Variants in MMP16 observed in about 807,000 individuals in gnomAD.
MMP16 encodes matrix metalloproteinase-16.
In MMP16, 12 loss-of-function variants were observed where a neutral mutation model predicts 67.8. The ratio of observed to expected loss-of-function variants is 0.18; its 90% CI spans 0.11 to 0.29. The LOEUF (loss-of-function observed/expected upper bound fraction) is 0.29. Ranked by LOEUF, MMP16 falls within the 10% of genes least tolerant of loss-of-function variation. The pLI, the probability that MMP16 is intolerant of heterozygous loss-of-function variation, is 1.00. For missense variants in MMP16, 475 were observed against 765.7 expected (o/e 0.62, Z 4.48); for synonymous variants, 249 against 255.9 (o/e 0.97, Z 0.26).
chr8:88,271,186 T>C (rs943083638), intron 1 of MMP16, among the ~76,000 whole-genome samples: 2 of 152,198 alleles, frequency 1.3e-5, no homozygotes, highest in African/African-American at 2.4e-5. Flanking sequence ...AGTGATTGTT[T>C]ATAGATTAAA....
chr8:88,075,976 A>ACACACACAC (rs1400489880), intron 6 of MMP16, among the ~76,000 whole-genome samples: 2 of 46,062 alleles, frequency 4.3e-5, no homozygotes, highest in Non-Finnish European at 4.6e-5. Flanking sequence ...CACACACACA[A>ACACACACAC]AATCTACTGA....
chr8:88,092,325 A>G (rs149520680), intron 6 of MMP16, among the ~76,000 whole-genome samples: 1 of 151,858 alleles, frequency 6.6e-6, no homozygotes, highest in African/African-American at 2.4e-5. Flanking sequence ...TTATCTTTGC[A>G]TTGCTCGTTC....
intron 6 of MMP16, among the ~76,000 whole-genome samples, chr8:88,074,965 G>C (rs1808622806): frequency 6.6e-6 from 1 of 152,100 alleles, no homozygotes; most frequent in Non-Finnish European, 1.5e-5. Flanking sequence ...AAAACATAAT[G>C]TCAACATACT....
chr8:88,218,676 T>C (rs1809632268), intron 1 of MMP16, among the ~76,000 whole-genome samples: 1 of 151,992 alleles, frequency 6.6e-6, no homozygotes, highest in South Asian at 2.1e-4. Context: ...AATTTGAAAA[T>C]ATTCACTAAA....
At chr8:88,168,132 C>T (rs938416353) in intron 3 of MMP16, among the ~76,000 whole-genome samples, 159 bp from the exon 4 acceptor site, 2 of 152,146 alleles carry the variant, frequency 1.3e-5, no homozygotes, top group African/African-American at 4.8e-5. Flanking sequence ...GATTTCACTA[C>T]ACTGCAATCA....
intron 1 of MMP16, among the ~76,000 whole-genome samples, chr8:88,273,892 TAACAG>T (rs1231029812): frequency 6.6e-6 from 1 of 152,060 alleles, no homozygotes; most frequent in African/African-American, 2.4e-5. Context: ...CCTGATAACA[TAACAG>T]GAGGGGACAC....
At chr8:88,160,811 C>T (rs144620586) in intron 4 of MMP16, among the ~76,000 whole-genome samples, 40 of 152,130 alleles carry the variant, frequency 2.6e-4, no homozygotes, top group African/African-American at 7.5e-4. Flanking sequence ...ATAAATCATG[C>T]TGCTATAAAG....
chr8:88,081,039 C>A lies in MMP16; in HGVS notation c.1084-6296G>T, dbSNP rs183039426. On this transcript the variant is annotated intron_variant, in intron 6 of 9. Coordinates refer to ENST00000286614, the MANE Select transcript of MMP16 (RefSeq NM_005941.5). ...TGGATGCTCTCCACTGTGGGGTAAACCTTGGTAGCGAGGCTCATCAGGCAG... is the reference window on the plus strand; with the variant it reads ...TGGATGCTCTCCACTGTGGGGTAAAACTTGGTAGCGAGGCTCATCAGGCAG... 1.6e-4 allele frequency among the ~76,000 whole-genome samples: 25 copies of A among 152,128 alleles called. 1 individual carries two copies. Among genetic ancestry groups the A allele is most frequent in the Admixed American group, 1.4e-3 (22 of 15,270 alleles).
At chr8:88,200,255 T>G (rs189220080) in intron 1 of MMP16, among the ~76,000 whole-genome samples, 2 of 152,138 alleles carry the variant, frequency 1.3e-5, no homozygotes, top group East Asian at 3.9e-4. Flanking sequence ...GTGATACATT[T>G]GACAAACTGA....
chr8:88,163,673 T>C (rs1246448241), intron 4 of MMP16, among the ~76,000 whole-genome samples: 5 of 152,128 alleles, frequency 3.3e-5, no homozygotes, highest in African/African-American at 4.8e-5. Flanking sequence ...GTGTTTACAT[T>C]GATAGCACCA....
intron 8 of MMP16, among the ~76,000 whole-genome samples, chr8:88,048,170 C>T (rs973717912): frequency 6.6e-6 from 1 of 152,068 alleles, no homozygotes; most frequent in Admixed American, 6.6e-5. Context: ...TCAAAGTGGA[C>T]CTGTTGATGA....
intron 1 of MMP16, among the ~76,000 whole-genome samples, chr8:88,260,397 T>C (rs540501102): frequency 2.6e-5 from 4 of 152,176 alleles, no homozygotes; most frequent in Non-Finnish European, 5.9e-5. Flanking sequence ...CTTCAAATTA[T>C]GCTACTTTTT....
chr8:88,185,296 A>C (rs930829408), intron 3 of MMP16, among the ~76,000 whole-genome samples: 10 of 151,892 alleles, frequency 6.6e-5, no homozygotes, highest in Admixed American at 2.0e-4. Flanking sequence ...CTGTGTCTAC[A>C]AAAAATACAA....
At position 88,172,212 on chromosome 8, in the gene MMP16, G is replaced by A. The variant is rs563641969; in HGVS notation, c.405-4239C>T. Among the ~76,000 whole-genome samples the A allele has an allele frequency of 2.6e-5, 4 of 151,884 alleles. No individual in the cohort carries two copies. In the South Asian group the frequency reaches 8.3e-4, roughly 31 times the overall value. On this transcript the variant is annotated intron_variant, in intron 3 of 9. Coordinates refer to ENST00000286614, the MANE Select transcript of MMP16 (RefSeq NM_005941.5). ...AGTAGTAACCCCTCATTTTTTTTAT[G>A]AAAGTTCAGAAAAAATTGTAGTTAA... is the stretch of plus-strand genomic sequence containing the variant.
chr8:88,102,072 A>G (rs1809154168), intron 6 of MMP16, among the ~76,000 whole-genome samples: 1 of 151,862 alleles, frequency 6.6e-6, no homozygotes, highest in Admixed American at 6.6e-5. Flanking sequence ...TATCAACACA[A>G]CAGTCAACAT....
At chr8:88,105,066 T>C (rs900662826) in intron 6 of MMP16, among the ~76,000 whole-genome samples, 1 of 151,496 alleles carries the variant, frequency 6.6e-6, no homozygotes, top group East Asian at 2.0e-4. Context: ...TACTCACTGA[T>C]GCATCCAAAG....
chr8:88,197,350 T>G, intron 1 of MMP16, 44 bp from the exon 2 acceptor site: 1 of 1,481,850 alleles, frequency 6.7e-7, no homozygotes, highest in South Asian at 1.4e-5. Flanking sequence ...TTTTACAATT[T>G]AACAATAATT....
At chr8:88,298,714 A>G (rs1811051290) in intron 1 of MMP16, among the ~76,000 whole-genome samples, 1 of 152,190 alleles carries the variant, frequency 6.6e-6, no homozygotes, top group Non-Finnish European at 1.5e-5. Context: ...GCAGGAGGTG[A>G]TGAATAATAA....
intron 1 of MMP16, among the ~76,000 whole-genome samples, chr8:88,258,738 T>C (rs909406302): frequency 6.6e-6 from 1 of 152,026 alleles, no homozygotes; most frequent in African/African-American, 2.4e-5. Flanking sequence ...ATGAATCATG[T>C]TGCTATTGTT....
Sources: gnomAD v4.1 joint callset for allele counts (sites outside exome capture counted in the v4.1 genomes callset) on GRCh38, gnomAD v4.1.1 for gene constraint, MANE v1.5 for transcripts, NCBI Gene and HGNC (gene_info 2026-07-23, HGNC 2026-07-21) for gene names.